Variants in FIP1L1 observed in about 807,000 individuals in gnomAD.
The protein encoded by FIP1L1 is factor interacting with PAPOLA and CPSF1.
A neutral mutation model predicts 84.6 loss-of-function variants in FIP1L1; 21 were observed. The observed-to-expected ratio is 0.25, with a 90% CI of 0.18 to 0.36. The LOEUF (loss-of-function observed/expected upper bound fraction) is 0.36, where lower values mean the gene tolerates loss of function less well. Among genes scored for constraint, FIP1L1 ranks in the 10% least tolerant of loss-of-function variants. FIP1L1 has a pLI of 1.00. For missense variants in FIP1L1, 526 were observed against 751.1 expected (o/e 0.70, Z 3.50); for synonymous variants, 263 against 242.3 (o/e 1.09, Z -0.80).
At chr4:53,440,754 T>A (rs1471392789) in intron 13 of FIP1L1, 2 of 649,534 alleles carry the variant, frequency 3.1e-6, no homozygotes, top group Non-Finnish European at 5.6e-6. Flanking sequence ...CTGCCTTTGC[T>A]TCATTCCAGT....
Position 53,418,746 on chromosome 4 carries a change from G to A in FIP1L1, c.923+4024G>A, listed in dbSNP as rs114525759. On this transcript the variant is annotated intron_variant, in intron 11 of 17. Transcript: ENST00000337488. ...TTTTAACTGATTCATACTCTTGAAT[G>A]AATAGTAAAAATTGCTTTTCAATGT... Among the ~76,000 whole-genome samples, 1,341 of 152,198 alleles carry A rather than the reference G, an allele frequency of 8.8e-3. 22 individuals are homozygous for A. The highest frequency in any genetic ancestry group is 0.03 in the African/African-American group (1,264 of 41,530).
At chr4:53,434,513 C>T (rs2150111811) in intron 13 of FIP1L1, among the ~76,000 whole-genome samples, 1 of 151,298 alleles carries the variant, frequency 6.6e-6, no homozygotes, top group African/African-American at 2.4e-5. Context: ...TTCTTGTTGC[C>T]CAGGCTGGAG....
In FIP1L1 at chr4:53,459,935, C is replaced by T. The variant is rs150449377; in HGVS notation, c.*486C>T. 6.0e-5 allele frequency: 13 copies of T among 218,096 alleles called. No homozygotes were observed. The highest frequency in any genetic ancestry group is 2.2e-4 in the African/African-American group (10 of 44,640). The allele number at this position is 218,096 out of a possible 1,614,324, so 13.5% of individuals were successfully genotyped here. A position where few individuals can be genotyped will look rare whatever the true frequency, so the allele number is the denominator to read the frequency against. On this transcript the variant is annotated 3_prime_UTR_variant, in exon 18 of 18. Transcript: ENST00000337488. ...TAAGAGACTCATACATTTTTGATAT[C>T]ACAACTTTTTGATGGCTTTTCAATA... is the stretch of plus-strand genomic sequence containing the variant.
chr4:53,436,840 T>C (rs1230448295), intron 13 of FIP1L1, among the ~76,000 whole-genome samples: 4 of 149,128 alleles, frequency 2.7e-5, no homozygotes, highest in Non-Finnish European at 4.4e-5. Flanking sequence ...ATCTCCAAAA[T>C]AGGATTTCAG....
At position 53,414,631 on chromosome 4, in the gene FIP1L1, C is replaced by T; in HGVS notation, c.832C>T (p.Gln278Ter). 2 of 1,611,676 alleles carry T rather than the reference C, an allele frequency of 1.2e-6. No individual in the cohort carries two copies. The highest frequency in any genetic ancestry group is 1.7e-5 in the Admixed American group (1 of 59,914). The change falls in exon 11 of 18, where the codon CAG becomes TAG. Residue 278 changes from glutamine (Q) to a stop codon, truncating the protein, a stop_gained. Transcript: ENST00000337488. LOFTEE classifies it high-confidence loss of function. ...LPPSRNSTSS[Q>*]SQTSTASRKA... ...TCTCACCAGAAACAGCACTTCTTCT[C>T]AGTCTCAGACAAGTACTGCCTCCAG...
chr4:53,414,177 T>C (rs1331280334), intron 10 of FIP1L1, among the ~76,000 whole-genome samples: 1 of 152,126 alleles, frequency 6.6e-6, no homozygotes, highest in Non-Finnish European at 1.5e-5. Context: ...CGTCAGAGTG[T>C]TGCTGTTAAC....
At chr4:53,438,683 G>A (rs1203267644) in intron 13 of FIP1L1, among the ~76,000 whole-genome samples, 2 of 152,134 alleles carry the variant, frequency 1.3e-5, no homozygotes, top group African/African-American at 2.4e-5. Flanking sequence ...TGATACTGCT[G>A]TAGTAAGATT....
At chr4:53,387,862 A>G (rs1741958017) in intron 5 of FIP1L1, among the ~76,000 whole-genome samples, 1 of 152,230 alleles carries the variant, frequency 6.6e-6, no homozygotes, top group South Asian at 2.1e-4. Context: ...GTTAAAATGT[A>G]AACATCGTGA....
intron 9 of FIP1L1, among the ~76,000 whole-genome samples, chr4:53,398,003 TCCC>T (rs1748314364): frequency 6.6e-6 from 1 of 152,162 alleles, no homozygotes; most frequent in East Asian, 1.9e-4. Flanking sequence ...TTCCTTGACA[TCCC>T]CAGGCAGAAC....
chr4:53,403,447 C>G (rs1397107471), intron 10 of FIP1L1, among the ~76,000 whole-genome samples: 17 of 152,120 alleles, frequency 1.1e-4, no homozygotes, highest in Non-Finnish European at 4.4e-5. Flanking sequence ...TCAAACACAT[C>G]TTTATTAATC....
intron 15 of FIP1L1, among the ~76,000 whole-genome samples, chr4:53,448,249 G>T (rs531220293): frequency 6.6e-6 from 1 of 151,970 alleles, no homozygotes; most frequent in Admixed American, 6.6e-5. Flanking sequence ...GTTCCTGAGG[G>T]ATGTACGATT....
intron 13 of FIP1L1, among the ~76,000 whole-genome samples, chr4:53,440,316 G>A (rs770748805): frequency 1.3e-5 from 2 of 151,976 alleles, no homozygotes; most frequent in Admixed American, 6.6e-5. Flanking sequence ...GTGCATAAGT[G>A]TGCTTTTTAA....
chr4:53,423,288 T>A (rs1763098790), intron 11 of FIP1L1, among the ~76,000 whole-genome samples: 2 of 152,144 alleles, frequency 1.3e-5, no homozygotes, highest in Admixed American at 6.5e-5. Flanking sequence ...TTTTACTAGA[T>A]GGTTGAGTCC....
At chr4:53,396,247 G>A (rs564422982) in intron 9 of FIP1L1, among the ~76,000 whole-genome samples, 2 of 152,176 alleles carry the variant, frequency 1.3e-5, no homozygotes, top group East Asian at 1.9e-4. Context: ...TTAACTTTAA[G>A]TAGGCCTTTT....
intron 10 of FIP1L1, among the ~76,000 whole-genome samples, chr4:53,410,352 C>A (rs182225739): frequency 3.9e-5 from 6 of 152,204 alleles, no homozygotes; most frequent in Non-Finnish European, 4.4e-5. Context: ...GACAGCTTCT[C>A]GTGTAGTTGT....
chr4:53,377,665 T>TG lies in FIP1L1; in HGVS notation c.-172dup. The TG allele has an allele frequency of 1.7e-6, 1 of 587,100 alleles. No individual in the cohort carries two copies. Among genetic ancestry groups the TG allele is most frequent in the Non-Finnish European group, 2.9e-6 (1 of 346,212 alleles). The allele number at this position is 587,100 out of a possible 1,614,324, so 36.4% of individuals were successfully genotyped here. A position where few individuals can be genotyped will look rare whatever the true frequency, so the allele number is the denominator to read the frequency against. Reference sequence around the variant, plus strand: ...TGCGCATGCGCAGACGGACCTGCGCTGGAGGCTTCATCTTTGCCGCCGCTG... The same window carrying TG: ...TGCGCATGCGCAGACGGACCTGCGCTGGGAGGCTTCATCTTTGCCGCCGCTG... On this transcript the variant is annotated 5_prime_UTR_variant, in exon 1 of 18. The change creates a premature stop within an existing upstream ORF in the 5' untranslated region. Transcript: ENST00000337488.
At chr4:53,409,424 T>C (rs770568832) in intron 10 of FIP1L1, among the ~76,000 whole-genome samples, 9 of 152,204 alleles carry the variant, frequency 5.9e-5, no homozygotes, top group Non-Finnish European at 1.3e-4. Context: ...TGTCTCCCAC[T>C]TAGACTGCTC....
intron 10 of FIP1L1, among the ~76,000 whole-genome samples, chr4:53,403,872 G>A (rs562708377): frequency 6.6e-6 from 1 of 152,234 alleles, no homozygotes; most frequent in Admixed American, 6.5e-5. Flanking sequence ...GAAAGCCGTA[G>A]TGGATTAGAC....
chr4:53,422,289 C>G (rs1762694290), intron 11 of FIP1L1, among the ~76,000 whole-genome samples: 2 of 151,828 alleles, frequency 1.3e-5, no homozygotes, highest in African/African-American at 4.8e-5. Context: ...CACCATTTTT[C>G]CTTTTTTAAG....
Sources: allele counts gnomAD v4.1 joint callset (sites outside exome capture counted in the v4.1 genomes callset), GRCh38; gene constraint gnomAD v4.1.1; transcripts MANE v1.5; gene names NCBI Gene and HGNC (gene_info 2026-07-23, HGNC 2026-07-21).